The following RAB37 variants were observed in gnomAD, a reference collection of about 807,000 sequenced individuals.
The protein encoded by RAB37 is ras-related protein Rab-37.
RAB37 carries 29 observed loss-of-function variants against 33.1 expected under a neutral mutation model. The ratio of observed to expected loss-of-function variants is 0.88; its 90% CI spans 0.65 to 1.20. RAB37 has a LOEUF of 1.20. Among genes scored for constraint, RAB37 ranks in the 50% most tolerant of loss-of-function variants. The pLI is 0.00. For synonymous variants in RAB37, 128 were observed against 119.5 expected (o/e 1.07, Z -0.47); for missense variants, 299 against 301.1 (o/e 0.99, Z 0.05).
upstream of RAB37, among the ~76,000 whole-genome samples, chr17:74,734,774 G>A (rs1369442071): frequency 4.6e-5 from 7 of 151,790 alleles, no homozygotes; most frequent in East Asian, 1.9e-4. Flanking sequence ...TGAACAGCCC[G>A]GGAGGCGGAG....
chr17:74,722,269 C>T (rs1199568208), intron 1 of RAB37, among the ~76,000 whole-genome samples: 3 of 142,770 alleles, frequency 2.1e-5, no homozygotes, highest in Admixed American at 7.3e-5. Context: ...GGCGACAGAG[C>T]GAGACTCTGT....
At chr17:74,700,408 T>A (rs2032939392) in intron 1 of RAB37, among the ~76,000 whole-genome samples, 1 of 152,034 alleles carries the variant, frequency 6.6e-6, no homozygotes, top group African/African-American at 2.4e-5. Context: ...CCTCCAGAGC[T>A]CTGTGTGGCT....
At chr17:74,693,837 G>A (rs971556582) in intron 1 of RAB37, among the ~76,000 whole-genome samples, 1 of 151,878 alleles carries the variant, frequency 6.6e-6, no homozygotes, top group Non-Finnish European at 1.5e-5. Context: ...ACTGAGGCAA[G>A]AGAATTGCTT....
upstream of RAB37, among the ~76,000 whole-genome samples, chr17:74,732,803 G>A (rs1205781714): frequency 6.9e-6 from 1 of 144,354 alleles, no homozygotes; most frequent in East Asian, 2.1e-4. Flanking sequence ...AGGTGTGTGT[G>A]GCGTGATTTG....
intron 1 of RAB37, among the ~76,000 whole-genome samples, chr17:74,690,021 G>A (rs900194772): frequency 1.3e-5 from 2 of 152,058 alleles, no homozygotes; most frequent in Non-Finnish European, 2.9e-5. Flanking sequence ...GTACCATCTC[G>A]GCTCACTGCA....
rs756831801 is a variant in RAB37, at chr17:74,745,414, C to A, written c.*3C>A. 1 of 1,611,166 alleles carries A rather than the reference C, an allele frequency of 6.2e-7. No individual in the cohort carries two copies. The highest frequency in any genetic ancestry group is 2.2e-5 in the East Asian group (1 of 44,862). On this transcript the variant is annotated 3_prime_UTR_variant, in exon 9 of 9. Transcript: ENST00000392613. The surrounding 1 kb of genome is among the most constrained non-coding windows in gnomAD (Gnocchi z 4.5). ...CCAGCTGCTGCTCCTTCATGTGAAT[C>A]CCAGGGGGCAGAGAGGAGGCTCTGG...
upstream of RAB37, chr17:74,736,490 T>C: frequency 7.2e-7 from 1 of 1,393,306 alleles, no homozygotes; most frequent in Non-Finnish European, 9.4e-7. Flanking sequence ...ACTTCATGAA[T>C]TTATTTGGCT....
intron 1 of RAB37, chr17:74,694,243 T>G (rs2032233843): frequency 6.6e-6 from 1 of 152,188 alleles, no homozygotes; most frequent in Admixed American, 6.5e-5. Context: ...GGGAAGCATC[T>G]AAGGAAGGGC....
chr17:74,683,370 G>A (rs1475826534), intron 1 of RAB37, among the ~76,000 whole-genome samples: 3 of 152,166 alleles, frequency 2.0e-5, no homozygotes, highest in Admixed American at 1.3e-4. Flanking sequence ...AAGCTCTTCC[G>A]CCTCTCTTAA....
chr17:74,704,816 C>G (rs958751860), intron 1 of RAB37: 5 of 1,607,912 alleles, frequency 3.1e-6, no homozygotes, highest in East Asian at 2.2e-5. Context: ...AATGGAGTAG[C>G]CTGGAAAACA....
At chr17:74,712,564 C>T (rs1181429163) in intron 1 of RAB37, among the ~76,000 whole-genome samples, 1 of 152,214 alleles carries the variant, frequency 6.6e-6, no homozygotes, top group Non-Finnish European at 1.5e-5. Flanking sequence ...CCCTGGCCGG[C>T]GGGGCCTACA....
chr17:74,708,789 G>T (rs906008474), intron 1 of RAB37, among the ~76,000 whole-genome samples: 1 of 151,806 alleles, frequency 6.6e-6, no homozygotes, highest in Non-Finnish European at 1.5e-5. Flanking sequence ...GGTGGCGGGC[G>T]CCTGTAGTCC....
At chr17:74,673,813 C>T (rs1320466446) in intron 1 of RAB37, among the ~76,000 whole-genome samples, 1 of 152,174 alleles carries the variant, frequency 6.6e-6, no homozygotes, top group Non-Finnish European at 1.5e-5. Flanking sequence ...CTTAAACCTT[C>T]TGTGGTGCCC....
chr17:74,695,914 T>C, intron 1 of RAB37: 1 of 1,579,332 alleles, frequency 6.3e-7, no homozygotes, highest in Non-Finnish European at 8.6e-7. Flanking sequence ...GGACACAGGT[T>C]CCTTTTCCAC....
rs377019754 is a variant in RAB37, at chr17:74,743,802, G to A, written c.366+462G>A. 3.7e-4 allele frequency among the ~76,000 whole-genome samples: 57 copies of A among 152,296 alleles called. 1 individual carries two copies. The highest frequency in any genetic ancestry group is 6.5e-4 in the African/African-American group (27 of 41,546). ...AAATTCAAGCACCAATTTTGTTCAC[G>A]ACATTGTATAGGTTTCATGAATCCC... On this transcript the variant is annotated intron_variant, in intron 5 of 8. Transcript: ENST00000392613.
chr17:74,690,159 CTAT>C (rs2032133445), intron 1 of RAB37, among the ~76,000 whole-genome samples: 1 of 152,112 alleles, frequency 6.6e-6, no homozygotes, highest in African/African-American at 2.4e-5. Context: ...GTAGGCCTCC[CTAT>C]GTTGCTCAGG....
At chr17:74,732,379 C>G (rs146694896), upstream of RAB37, among the ~76,000 whole-genome samples, 21 of 151,252 alleles carry the variant, frequency 1.4e-4, no homozygotes, top group East Asian at 3.3e-3. Flanking sequence ...ACCCTGTGCT[C>G]TTTGGGCTGT....
At chr17:74,685,736 T>C (rs1291024817) in intron 1 of RAB37, among the ~76,000 whole-genome samples, 1 of 152,156 alleles carries the variant, frequency 6.6e-6, no homozygotes, top group African/African-American at 2.4e-5. Flanking sequence ...CAAACCCCTT[T>C]ATCACTGACC....
rs375212948 is a variant in RAB37 at position 74,745,821 on chromosome 17, C to T, written c.*410C>T. ...GGGTGAGGGCAGGTAATGACTCCATCGCACCCTCAGTTCAGCTGGACAGAG... is the reference window on the plus strand; with the variant it reads ...GGGTGAGGGCAGGTAATGACTCCATTGCACCCTCAGTTCAGCTGGACAGAG... On this transcript the variant is annotated 3_prime_UTR_variant, in exon 9 of 9. Transcript: ENST00000392613. This position sits in a 1 kb window ranked among gnomAD's most constrained non-coding sequence, Gnocchi z 4.5. 6.4e-4 allele frequency: 111 copies of T among 174,078 alleles called. No individual in the cohort carries two copies. In the South Asian group the frequency reaches 0.012, roughly 19 times the overall value. 10.8% of individuals were successfully genotyped at this position (174,078 alleles called of 1,614,324 possible).
Sources: gnomAD v4.1 joint callset for allele counts (sites outside exome capture counted in the v4.1 genomes callset) on GRCh38, gnomAD v4.1.1 for gene constraint, Gnocchi (gnomAD v3.1) non-coding constraint, MANE v1.5 for transcripts, NCBI Gene and HGNC (gene_info 2026-07-23, HGNC 2026-07-21) for gene names.